PLEKHM1: variants seen among roughly 807,000 people sequenced by gnomAD.
PLEKHM1 encodes the protein pleckstrin homology domain-containing family M member 1.
A neutral mutation model predicts 94.3 loss-of-function variants in PLEKHM1; 28 were observed. The observed-to-expected ratio is 0.30, with a 90% CI of 0.22 to 0.41. The LOEUF is 0.41. PLEKHM1 is among the 10% of genes least tolerant of loss of function. The pLI is 1.00. For missense variants in PLEKHM1, 907 were observed against 1,358.6 expected, an observed-to-expected ratio of 0.67 and a Z score of 5.22; for synonymous variants, 424 against 581.2, an observed-to-expected ratio of 0.73 and a Z score of 3.89.
In PLEKHM1 at chr17:45,439,621, A is replaced by C; in HGVS notation, c.2915T>G (p.Val972Gly). 1 of 1,613,528 alleles carries C rather than the reference A, an allele frequency of 6.2e-7. No individual in the cohort carries two copies. Among genetic ancestry groups the C allele is most frequent in the South Asian group, 1.1e-5 (1 of 91,038 alleles). ...CAGGGCCTTGAGGAATCCTTCATAC[A>C]CCCCGTCTGCGATCTGCGGAGGGCA... ...VADLQQIADG[V>G]YEGFLKALIE... The change falls in exon 11 of 12, where the codon GTG becomes GGG. Residue 972 changes from valine to glycine, a missense_variant. Physicochemically the swap from Val to Gly is moderately radical, Grantham distance 109. Transcript: ENST00000430334.
chr17:45,469,576 GCC>G lies in PLEKHM1; in HGVS notation c.924-985_924-984del, dbSNP rs1363605437. On this transcript the variant is annotated intron_variant, in intron 4 of 11. Transcript: ENST00000430334. ...GCCACAGGCTGTCTAAGGCCCCAAA[GCC>G]TCCCTGCATCTGCCCTGATGGCTTG... Among the ~76,000 whole-genome samples the G allele has an allele frequency of 2.0e-5, 3 of 152,218 alleles. No individual in the cohort carries two copies. In the East Asian group the frequency reaches 5.8e-4, roughly 29 times the overall value.
Position 45,435,905 on chromosome 17 carries a change from A to C in PLEKHM1, c.*1953T>G. ...GAATTCAGAAGCCAGACCAGTGATG[A>C]GAAAGATCAGGTCTTTACTGCAAAA... On this transcript the variant is annotated 3_prime_UTR_variant, in exon 12 of 12. Transcript: ENST00000430334. 2.2e-6 allele frequency: 1 copy of C among 452,026 alleles called. No individual in the cohort carries two copies. The allele number at this position is 452,026 out of a possible 1,614,324, so 28.0% of individuals were successfully genotyped here.
intron 9 of PLEKHM1, 199 bp from the exon 10 acceptor site, chr17:45,440,425 G>GGTTAAGTAA: frequency 1.5e-6 from 1 of 653,806 alleles, no homozygotes; most frequent in Non-Finnish European, 2.8e-6. Flanking sequence ...TGGGACCTTG[G>GGTTAAGTAA]GCACGTTACT....
Position 45,436,115 on chromosome 17 carries a change from G to A in PLEKHM1, c.*1743C>T, listed in dbSNP as rs749050478. 2.2e-6 allele frequency: 1 copy of A among 456,298 alleles called. No homozygotes were observed. The highest frequency in any genetic ancestry group is 2.0e-5 in the African/African-American group (1 of 50,078). 28.3% of individuals were successfully genotyped at this position (456,298 alleles called of 1,614,324 possible). On this transcript the variant is annotated 3_prime_UTR_variant, in exon 12 of 12. Coordinates refer to ENST00000430334, the MANE Select transcript of PLEKHM1 (RefSeq NM_014798.3). ...CATCTGAAAGCACTGGCAGCTTCTG[G>A]GGAACGGGCCCCCCAGGGCCTCAAA...
chr17:45,456,147 A>G (rs1171677183), intron 6 of PLEKHM1: 3 of 152,152 alleles, frequency 2.0e-5, no homozygotes, highest in Non-Finnish European at 2.9e-5. Flanking sequence ...GCCATCCTAT[A>G]TGCAGTGGTC....
chr17:45,482,531 G>A lies in PLEKHM1; in HGVS notation c.-41-6C>T, dbSNP rs2051985578. ...CTCAGAGAATCACATGACACCTGAA[G>A]AGACAGATGGCAGCCAGATGAATGG... On this transcript the variant is annotated splice_region_variant and splice_polypyrimidine_tract_variant and intron_variant, in intron 1 of 11. Coordinates refer to ENST00000430334, the MANE Select transcript of PLEKHM1 (RefSeq NM_014798.3). 3.2e-6 allele frequency: 3 copies of A among 934,702 alleles called. No homozygotes were observed. Among genetic ancestry groups the A allele is most frequent in the African/African-American group, 1.7e-5 (1 of 60,392 alleles). The allele number at this position is 934,702 out of a possible 1,614,324, so 57.9% of individuals were successfully genotyped here.
intron 4 of PLEKHM1, among the ~76,000 whole-genome samples, chr17:45,474,358 C>CA (rs200900147): frequency 0.035 from 5,302 of 151,790 alleles, 319 homozygotes; most frequent in African/African-American, 0.12. Flanking sequence ...TGCCCAGCTG[C>CA]AAAAAAATGT....
intron 5 of PLEKHM1, chr17:45,460,388 T>C (rs1383888834): frequency 2.0e-5 from 3 of 151,978 alleles, no homozygotes; most frequent in African/African-American, 7.3e-5. Context: ...GCCTCCCGAG[T>C]AGCTGGGGTT....
chr17:45,465,389 G>T (rs1228368170), intron 5 of PLEKHM1, among the ~76,000 whole-genome samples: 1 of 151,978 alleles, frequency 6.6e-6, no homozygotes, highest in African/African-American at 2.4e-5. Flanking sequence ...GAAGTGAGTC[G>T]GGAAAGAAGG....
chr17:45,441,697 C>T (rs999551971), intron 9 of PLEKHM1, among the ~76,000 whole-genome samples: 4 of 152,142 alleles, frequency 2.6e-5, no homozygotes, highest in Non-Finnish European at 4.4e-5. Context: ...GGGGAGAGGG[C>T]GCTGACCCAG....
chr17:45,458,402 C>T lies in PLEKHM1; in HGVS notation c.1346G>A (p.Arg449Gln), dbSNP rs766246528. The change falls in exon 6 of 12, where the codon CGG (arginine) becomes CAG (glutamine). Residue 449 changes from arginine (R) to glutamine (Q), a missense_variant. Arg to Gln is a conservative substitution (Grantham distance 43, BLOSUM62 1). Transcript: ENST00000430334. The part of the protein sequence containing the change: ...KSWISEDDFY[R>Q]PSREQPLESA... ...CTCCAGGGGTTGCTCCCGGGAAGGC[C>T]GGTAGAAGTCATCCTCTGAGATCCA... The T allele has an allele frequency of 6.2e-6, 10 of 1,613,796 alleles. No individual in the cohort carries two copies. The highest frequency in any genetic ancestry group is 2.2e-5 in the East Asian group (1 of 44,888).
At position 45,453,037 on chromosome 17, in the gene PLEKHM1, G is replaced by A. The variant is rs890130275; in HGVS notation, c.2497+318C>T. ...CCATGCCCCTGCTCTGAAAGAACAG[G>A]ACGGTAGAGCAAGAAGAAAATGAAG... On this transcript the variant is annotated intron_variant, in intron 7 of 11. Coordinates refer to ENST00000430334, the MANE Select transcript of PLEKHM1 (RefSeq NM_014798.3). The surrounding 1 kb of genome is among the most constrained non-coding windows in gnomAD (Gnocchi z 4.1). The A allele has an allele frequency of 2.2e-5, 12 of 553,024 alleles. No homozygotes were observed. Among genetic ancestry groups the A allele is most frequent in the African/African-American group, 5.7e-5 (3 of 53,060 alleles). 34.3% of individuals were successfully genotyped at this position (553,024 alleles called of 1,614,324 possible). A position where few individuals can be genotyped will look rare whatever the true frequency, so the allele number is the denominator to read the frequency against.
intron 4 of PLEKHM1, 44 bp downstream of exon 4, chr17:45,475,056 G>T: frequency 6.2e-7 from 1 of 1,609,106 alleles, no homozygotes. Flanking sequence ...GGAAAGAAAG[G>T]AGGGAAGAGA....
In PLEKHM1 at chr17:45,453,331, G is replaced by T. The variant is rs1471129016; in HGVS notation, c.2497+24C>A. 6.2e-7 allele frequency: 1 copy of T among 1,606,736 alleles called. No homozygotes were observed. The highest frequency in any genetic ancestry group is 1.3e-5 in the African/African-American group (1 of 74,630). ...GGTGGAGTGAGGCTGGCAGGCTGGG[G>T]GTGGCAGCAGAGCAAATCGGCACCT... On this transcript the variant is annotated intron_variant, in intron 7 of 11. Transcript: ENST00000430334. This position sits in a 1 kb window ranked among gnomAD's most constrained non-coding sequence, Gnocchi z 4.1.
In PLEKHM1 at chr17:45,475,525, G is replaced by A; in HGVS notation, c.498C>T (p.Ser166=). The A allele has an allele frequency of 6.2e-7, 1 of 1,611,688 alleles. No homozygotes were observed. The highest frequency in any genetic ancestry group is 8.5e-7 in the Non-Finnish European group (1 of 1,177,870). Reference sequence around the variant, plus strand: ...ACAAGGACGTGAGGCCCTGCAGGAAGCTAAGGAGGAACTCGCCCTCCTCAG... The same window carrying A: ...ACAAGGACGTGAGGCCCTGCAGGAAACTAAGGAGGAACTCGCCCTCCTCAG... ...RDAEEGEFLL[S]FLQGLTSLSF... The change falls in exon 4 of 12, where the codon AGC becomes AGT. Residue 166 remains serine (S), a synonymous_variant. Transcript: ENST00000430334.
chr17:45,474,004 A>AT (rs999411481), intron 4 of PLEKHM1, among the ~76,000 whole-genome samples: 16 of 151,472 alleles, frequency 1.1e-4, no homozygotes, highest in Admixed American at 7.9e-4. Flanking sequence ...TATGTTTTAG[A>AT]TTTTTTTTAA....
Position 45,453,932 on chromosome 17 carries a change from G to A in PLEKHM1, c.1920C>T (p.Tyr640=). ...CGGGGGGTTCCTCAGGCTGGTCTGGGTACTGCACGTTCACCCACTCATCCT... is the reference window on the plus strand; with the variant it reads ...CGGGGGGTTCCTCAGGCTGGTCTGGATACTGCACGTTCACCCACTCATCCT... The part of the protein sequence containing the change: ...QQEDEWVNVQ[Y]PDQPEEPPEA... The change falls in exon 7 of 12, where the codon TAC becomes TAT. Residue 640 remains tyrosine (Y), a synonymous_variant. Transcript: ENST00000430334. The surrounding 1 kb of genome is among the most constrained non-coding windows in gnomAD (Gnocchi z 4.1). 1.9e-6 allele frequency: 3 copies of A among 1,613,820 alleles called. No individual in the cohort carries two copies. Among genetic ancestry groups the A allele is most frequent in the Non-Finnish European group, 2.5e-6 (3 of 1,179,754 alleles).
At position 45,453,902 on chromosome 17, in the gene PLEKHM1, C is replaced by T. The variant is rs145770009; in HGVS notation, c.1950G>A (p.Ala650=). The T allele has an allele frequency of 1.7e-4, 278 of 1,613,678 alleles. No homozygotes were observed. The highest frequency in any genetic ancestry group is 2.2e-4 in the Non-Finnish European group (260 of 1,179,750). The change falls in exon 7 of 12, where the codon GCG becomes GCA. Residue 650 remains alanine (A), a synonymous_variant. Transcript: ENST00000430334. The surrounding 1 kb of genome is among the most constrained non-coding windows in gnomAD (Gnocchi z 4.1). ...CTGAGGGAGAGAGGCAGCCCTGGGG[C>T]GCCTCGGGGGGTTCCTCAGGCTGGT... ...YPDQPEEPPE[A]PQGCLSPSDL...
intron 9 of PLEKHM1, chr17:45,440,754 CCTGGCTCCA>C: frequency 4.9e-6 from 1 of 202,492 alleles, no homozygotes; most frequent in Non-Finnish European, 1.0e-5. Flanking sequence ...AACACAGGGG[CCTGGCTCCA>C]GAGCCTGCAC....
Sources: gnomAD v4.1 joint callset for allele counts (sites outside exome capture counted in the v4.1 genomes callset) on GRCh38, gnomAD v4.1.1 for gene constraint, Gnocchi (gnomAD v3.1) non-coding constraint, MANE v1.5 for transcripts, NCBI Gene and HGNC (gene_info 2026-07-23, HGNC 2026-07-21) for gene names.